Variants in IGSF10 observed in about 807,000 individuals in gnomAD.
The protein encoded by IGSF10 is calvaria mechanical force protein 608.
In IGSF10, 126 loss-of-function variants were observed where a neutral mutation model predicts 128.2. The observed-to-expected ratio is 0.98, with a 90% confidence interval of 0.85 to 1.14. The LOEUF is 1.14. IGSF10 is among the 50% of genes most tolerant of loss of function. The pLI is 0.00. For missense variants in IGSF10, 3,295 were observed against 3,149.8 expected, an observed-to-expected ratio of 1.05 and a Z score of -1.10; for synonymous variants, 1,185 against 1,146.2, an observed-to-expected ratio of 1.03 and a Z score of -0.68.
chr3:151,520,948 A>T, the IGSF10 span, among the ~76,000 whole-genome samples: 5 of 150,450 alleles, frequency 3.3e-5, no homozygotes, highest in Admixed American at 6.6e-5. Flanking sequence ...AATCTGGATT[A>T]AAAAAAAAGC....
rs761874663 is a variant in IGSF10 at position 151,438,381 on chromosome 3, G to A, written c.6180C>T (p.Cys2060=). 4 of 1,614,144 alleles carry A rather than the reference G, an allele frequency of 2.5e-6. No homozygotes were observed. The Admixed American group carries it at 5.0e-5, about 20-fold the overall frequency. ...CTGGCACTGGGGAGCCGGAAGCTTTGCAATCTACTTGGAAATCTTTCCCAT... is the reference window on the plus strand; with the variant it reads ...CTGGCACTGGGGAGCCGGAAGCTTTACAATCTACTTGGAAATCTTTCCCAT... ...VLHGKDFQVD[C]KASGSPVPEI... The change falls in exon 8 of 8, where the codon TGC becomes TGT. Residue 2060 remains cysteine, a synonymous_variant. Transcript: ENST00000282466.
At chr3:151,555,363 T>C in the IGSF10 span, among the ~76,000 whole-genome samples, 4 of 151,298 alleles carry the variant, frequency 2.6e-5, no homozygotes, top group Non-Finnish European at 5.9e-5. Context: ...TTAGAGGGAA[T>C]AGAGAGGAAC....
chr3:151,472,212 T>G, the IGSF10 span, among the ~76,000 whole-genome samples: 2 of 152,188 alleles, frequency 1.3e-5, no homozygotes, highest in East Asian at 3.9e-4. Flanking sequence ...TACCACCTGA[T>G]GGAGTATTTT....
At chr3:151,510,440 G>A in the IGSF10 span, among the ~76,000 whole-genome samples, 3 of 152,072 alleles carry the variant, frequency 2.0e-5, no homozygotes, top group Non-Finnish European at 4.4e-5. Flanking sequence ...CAAACAGAAA[G>A]GACACCCACA....
the IGSF10 span, among the ~76,000 whole-genome samples, chr3:151,552,833 G>C: frequency 6.6e-6 from 1 of 152,138 alleles, no homozygotes; most frequent in East Asian, 1.9e-4. Flanking sequence ...GATGGGGTTA[G>C]GAGCAAAATG....
chr3:151,512,990 A>G, the IGSF10 span, among the ~76,000 whole-genome samples: 71 of 152,324 alleles, frequency 4.7e-4, no homozygotes, highest in African/African-American at 1.7e-3. Flanking sequence ...CCAACCAAAA[A>G]AAGTCCAGGA....
chr3:151,586,516 G>A, the IGSF10 span, among the ~76,000 whole-genome samples: 152 of 152,220 alleles, frequency 1.0e-3, no homozygotes, highest in African/African-American at 3.5e-3. Context: ...TATAACCAGA[G>A]AATATGAAGC....
the IGSF10 span, among the ~76,000 whole-genome samples, chr3:151,587,780 A>G: frequency 2.0e-5 from 3 of 152,200 alleles, no homozygotes; most frequent in Non-Finnish European, 4.4e-5. Context: ...TGTTCTCATG[A>G]TAATGAATGA....
chr3:151,617,494 T>C, the IGSF10 span, among the ~76,000 whole-genome samples: 1 of 151,982 alleles, frequency 6.6e-6, no homozygotes, highest in Non-Finnish European at 1.5e-5. Flanking sequence ...AGTAGATAAC[T>C]TGTTTAATTT....
the IGSF10 span, among the ~76,000 whole-genome samples, chr3:151,569,104 C>T: frequency 6.6e-6 from 1 of 152,276 alleles, no homozygotes; most frequent in East Asian, 1.9e-4. Context: ...CCGAATCTTG[C>T]TCTGTTGTGC....
At position 151,438,340 on chromosome 3, in the gene IGSF10, A is replaced by T; in HGVS notation, c.6221T>A (p.Leu2074Ter). ...GSPVPEISWS[L>*]PDGTMINNAM... ...ATTGTTGATCATGGTTCCATCAGGC[A>T]AACTCCAAGATATCTCTGGCACTGG... The change falls in exon 8 of 8, where the codon TTG (leucine) becomes TAG (stop). Residue 2074 changes from leucine (L) to a stop codon, truncating the protein, a stop_gained. Coordinates refer to ENST00000282466, the MANE Select transcript of IGSF10 (RefSeq NM_178822.5). LOFTEE classifies it low-confidence loss of function (END_TRUNC). 6.2e-7 allele frequency: 1 copy of T among 1,614,198 alleles called. No individual in the cohort carries two copies.
At chr3:151,486,928 G>C in the IGSF10 span, among the ~76,000 whole-genome samples, 2 of 152,132 alleles carry the variant, frequency 1.3e-5, no homozygotes, top group Non-Finnish European at 2.9e-5. Flanking sequence ...AGAAGTACTA[G>C]AGAAGCAAGA....
At chr3:151,540,503 T>C in the IGSF10 span, among the ~76,000 whole-genome samples, 1 of 152,214 alleles carries the variant, frequency 6.6e-6, no homozygotes, top group Non-Finnish European at 1.5e-5. Context: ...TACTGCAGTG[T>C]GTAACTAAAC....
downstream of IGSF10, chr3:151,434,210 C>G (rs953462417): frequency 6.6e-6 from 1 of 152,148 alleles, no homozygotes; most frequent in African/African-American, 2.4e-5. Flanking sequence ...AATGAGCAGA[C>G]CATGTAAATC....
At chr3:151,464,186 T>G (rs1165319077), upstream of IGSF10, among the ~76,000 whole-genome samples, 1 of 152,330 alleles carries the variant, frequency 6.6e-6, no homozygotes, top group African/African-American at 2.4e-5. Flanking sequence ...GTAATTTACC[T>G]ACGCTTTAAG....
chr3:151,461,554 A>T, upstream of IGSF10: 1 of 471,662 alleles, frequency 2.1e-6, no homozygotes, highest in Non-Finnish European at 2.6e-6. Flanking sequence ...TAGTGAAACA[A>T]CATATCCATC....
the IGSF10 span, among the ~76,000 whole-genome samples, chr3:151,481,792 G>T: frequency 6.6e-5 from 10 of 152,114 alleles, no homozygotes; most frequent in Admixed American, 6.5e-4. Flanking sequence ...CCTCAACTAA[G>T]ATTTCCCACT....
chr3:151,516,887 T>C, the IGSF10 span, among the ~76,000 whole-genome samples: 1 of 152,106 alleles, frequency 6.6e-6, no homozygotes, highest in Non-Finnish European at 1.5e-5. Context: ...AATGCAGTAA[T>C]GCAGTACACA....
At chr3:151,503,496 G>GTTTACT in the IGSF10 span, among the ~76,000 whole-genome samples, 1 of 152,256 alleles carries the variant, frequency 6.6e-6, no homozygotes, top group South Asian at 2.1e-4. Context: ...TCAATAGATA[G>GTTTACT]CCTTAACAGA....
Sources: gnomAD v4.1 joint callset for allele counts (sites outside exome capture counted in the v4.1 genomes callset) on GRCh38, gnomAD v4.1.1 for gene constraint, MANE v1.5 for transcripts, NCBI Gene and HGNC (gene_info 2026-07-23, HGNC 2026-07-21) for gene names.